ZNF804A: variants seen among roughly 807,000 people sequenced by gnomAD.
The protein encoded by ZNF804A is zinc finger protein 804A.
ZNF804A carries 2 observed loss-of-function variants against 16.5 expected under a neutral mutation model. That is an observed-to-expected ratio of 0.12 (90% CI 0.05 to 0.38). The LOEUF (loss-of-function observed/expected upper bound fraction) is 0.38. Among genes scored for constraint, ZNF804A ranks in the 10% least tolerant of loss-of-function variants. The pLI is 0.99. For synonymous variants in ZNF804A, 534 were observed against 489.6 expected (o/e 1.09, Z -1.20); for missense variants, 1,473 against 1,390.7 (o/e 1.06, Z -0.94).
At chr2:184,624,176 T>C (rs1170321601) in intron 1 of ZNF804A, among the ~76,000 whole-genome samples, 2 of 152,126 alleles carry the variant, frequency 1.3e-5, no homozygotes, top group African/African-American at 4.8e-5. Context: ...TTCTTTCATG[T>C]AATGTTGATA....
intron 1 of ZNF804A, among the ~76,000 whole-genome samples, chr2:184,686,013 C>T (rs2105722183): frequency 6.6e-6 from 1 of 152,364 alleles, no homozygotes; most frequent in East Asian, 1.9e-4. Flanking sequence ...GGCATGTCAG[C>T]ACAGCTCCAA....
intron 1 of ZNF804A, among the ~76,000 whole-genome samples, chr2:184,752,442 A>C (rs757831035): frequency 2.0e-5 from 3 of 151,606 alleles, no homozygotes; most frequent in Admixed American, 6.6e-5. Flanking sequence ...ACACATGGAC[A>C]TAAAGAAGCA....
chr2:184,784,550 C>G (rs1694420270), intron 1 of ZNF804A, among the ~76,000 whole-genome samples: 1 of 151,908 alleles, frequency 6.6e-6, no homozygotes, highest in African/African-American at 2.4e-5. Flanking sequence ...ACTGCTGGAA[C>G]TACTTGTAAA....
intron 1 of ZNF804A, among the ~76,000 whole-genome samples, chr2:184,830,446 G>C (rs939969706): frequency 6.6e-6 from 1 of 152,102 alleles, no homozygotes; most frequent in Non-Finnish European, 1.5e-5. Flanking sequence ...CAGTGGTGAA[G>C]TCTGGGGATT....
chr2:184,624,028 G>A (rs1004563012), intron 1 of ZNF804A, among the ~76,000 whole-genome samples: 2 of 152,102 alleles, frequency 1.3e-5, no homozygotes, highest in Admixed American at 6.5e-5. Context: ...GGTATGTCTG[G>A]CTTTTCCAAA....
In ZNF804A at chr2:184,886,079, A is replaced by G. The variant is rs552797533; in HGVS notation, c.255+19567A>G. 9.2e-5 allele frequency among the ~76,000 whole-genome samples: 14 copies of G among 152,300 alleles called. No individual in the cohort carries two copies. In the South Asian group the frequency reaches 1.2e-3, roughly 14 times the overall value. On this transcript the variant is annotated intron_variant, in intron 2 of 3. Transcript: ENST00000302277. ...AATGCCTTCCATCTATGAGCCTGTA[A>G]AACCAAAAGCAAGCTAGTTTCTTCC...
chr2:184,914,042 C>T (rs534969015), intron 2 of ZNF804A, among the ~76,000 whole-genome samples: 50 of 152,260 alleles, frequency 3.3e-4, no homozygotes, highest in Non-Finnish European at 4.7e-4. Flanking sequence ...TGTCCTCCCA[C>T]GACGTAAACA....
intron 2 of ZNF804A, among the ~76,000 whole-genome samples, chr2:184,897,125 A>G (rs1039711184): frequency 1.3e-5 from 2 of 152,094 alleles, no homozygotes; most frequent in African/African-American, 2.4e-5. Context: ...TATTTTGTAC[A>G]ATGTCCCTCA....
intron 1 of ZNF804A, among the ~76,000 whole-genome samples, chr2:184,684,324 A>T (rs1251660466): frequency 6.6e-6 from 1 of 152,162 alleles, no homozygotes; most frequent in African/African-American, 2.4e-5. Flanking sequence ...TGGGTAGAAA[A>T]TTGTGTTTAT....
At chr2:184,900,516 A>G (rs1008078223) in intron 2 of ZNF804A, among the ~76,000 whole-genome samples, 1 of 152,176 alleles carries the variant, frequency 6.6e-6, no homozygotes, top group Non-Finnish European at 1.5e-5. Context: ...AACAGCTGTA[A>G]TATCAGTATT....
chr2:184,832,741 T>C (rs988301900), intron 1 of ZNF804A, among the ~76,000 whole-genome samples: 2 of 152,010 alleles, frequency 1.3e-5, no homozygotes, highest in African/African-American at 4.8e-5. Flanking sequence ...ATAAATGTTA[T>C]ACAATCTATA....
chr2:184,881,531 G>A (rs1684810036), intron 2 of ZNF804A, among the ~76,000 whole-genome samples: 2 of 152,060 alleles, frequency 1.3e-5, no homozygotes, highest in Non-Finnish European at 2.9e-5. Context: ...AAACATGGCA[G>A]TTCACTTATA....
chr2:184,936,442 G>C lies in ZNF804A; in HGVS notation c.1046G>C (p.Ser349Thr). 6.2e-7 allele frequency: 1 copy of C among 1,613,926 alleles called. No homozygotes were observed. Among genetic ancestry groups the C allele is most frequent in the South Asian group, 1.1e-5 (1 of 91,080 alleles). ...GTTATTAATGAAGACATACCTGTTA[G>C]TGGTAACAGTTTTGAGTTGTTAGGA... ...SVVINEDIPV[S>T]GNSFELLGNK... The change falls in exon 4 of 4, where the codon AGT (serine) becomes ACT (threonine). Residue 349 changes from serine to threonine, a missense_variant. Ser to Thr is a moderately conservative substitution (Grantham distance 58, BLOSUM62 1). Coordinates refer to ENST00000302277, the MANE Select transcript of ZNF804A (RefSeq NM_194250.2).
chr2:184,615,616 G>A (rs1476519968), intron 1 of ZNF804A, among the ~76,000 whole-genome samples: 1 of 152,078 alleles, frequency 6.6e-6, no homozygotes, highest in Non-Finnish European at 1.5e-5. Context: ...AGGATTTGTA[G>A]CCTCATGACA....
intron 1 of ZNF804A, among the ~76,000 whole-genome samples, chr2:184,601,533 T>C (rs1362046360): frequency 6.6e-6 from 1 of 152,036 alleles, no homozygotes; most frequent in African/African-American, 2.4e-5. Flanking sequence ...ATCATGGTTT[T>C]ACAGTTTTAT....
At chr2:184,838,550 G>T (rs988458923) in intron 1 of ZNF804A, among the ~76,000 whole-genome samples, 4 of 152,018 alleles carry the variant, frequency 2.6e-5, no homozygotes, top group African/African-American at 7.2e-5. Flanking sequence ...CTTTGAGAAA[G>T]TCAGATCAAC....
intron 1 of ZNF804A, among the ~76,000 whole-genome samples, chr2:184,830,119 C>G (rs977561194): frequency 7.6e-6 from 1 of 132,188 alleles, no homozygotes; most frequent in Non-Finnish European, 1.6e-5. Context: ...CCCACACACA[C>G]ACACACACAC....
At chr2:184,642,167 A>T (rs970617849) in intron 1 of ZNF804A, among the ~76,000 whole-genome samples, 2 of 152,134 alleles carry the variant, frequency 1.3e-5, no homozygotes, top group African/African-American at 4.8e-5. Context: ...TTTTTTCCTG[A>T]GAGTAAATTT....
intron 2 of ZNF804A, among the ~76,000 whole-genome samples, chr2:184,910,444 A>G (rs1054549998): frequency 6.6e-6 from 1 of 152,002 alleles, no homozygotes; most frequent in South Asian, 2.1e-4. Flanking sequence ...TAACACATGC[A>G]TGTGTCTTTA....
Sources: gnomAD v4.1 joint callset for allele counts (sites outside exome capture counted in the v4.1 genomes callset) on GRCh38, gnomAD v4.1.1 for gene constraint, MANE v1.5 for transcripts, NCBI Gene and HGNC (gene_info 2026-07-23, HGNC 2026-07-21) for gene names.